The following RGS4 variants were observed in gnomAD, a reference collection of about 807,000 sequenced individuals.
RGS4 encodes schizophrenia disorder 9.
A neutral mutation model predicts 21.6 loss-of-function variants in RGS4; 15 were observed. The ratio of observed to expected loss-of-function variants is 0.69; its 90% CI spans 0.46 to 1.07. RGS4 has a LOEUF of 1.07. RGS4 is among the 50% of genes least tolerant of loss of function. The pLI, the probability that RGS4 is intolerant of heterozygous loss-of-function variation, is 0.00. For synonymous variants in RGS4, 94 were observed against 85.5 expected, an observed-to-expected ratio of 1.10 and a Z score of -0.55; for missense variants, 237 against 239.0, an observed-to-expected ratio of 0.99 and a Z score of 0.06.
chr1:163,072,225 G>A, intron 1 of RGS4, 170 bp from the exon 2 acceptor site: 1 of 759,224 alleles, frequency 1.3e-6, no homozygotes, highest in East Asian at 3.5e-5. Context: ...CAAGTCATAG[G>A]GAACCAAGAG....
Position 163,076,355 on chromosome 1 carries a change from C to T in RGS4, c.*1795C>T, listed in dbSNP as rs1655501272. On this transcript the variant is annotated 3_prime_UTR_variant, in exon 5 of 5. Coordinates refer to ENST00000367909, the MANE Select transcript of RGS4 (RefSeq NM_005613.6). ...AAGATGCAGGTTTTCTAATTGTACC[C>T]TTCTTGTCTCTCTGGCAATCTTGCC... 6.6e-6 allele frequency: 1 copy of T among 152,538 alleles called. No homozygotes were observed. Among genetic ancestry groups the T allele is most frequent in the Non-Finnish European group, 1.5e-5 (1 of 68,020 alleles). 9.4% of individuals were successfully genotyped at this position (152,538 alleles called of 1,614,324 possible). A position where few individuals can be genotyped will look rare whatever the true frequency, so the allele number is the denominator to read the frequency against.
In RGS4 at chr1:163,073,586, C is replaced by A; in HGVS notation, c.342C>A (p.Ile114=). 1 of 1,609,924 alleles carries A rather than the reference C, an allele frequency of 6.2e-7. No homozygotes were observed. Among genetic ancestry groups the A allele is most frequent in the Non-Finnish European group, 8.5e-7 (1 of 1,178,718 alleles). ...AACTAAGTCCCAAGGCCAAAAAGATCTATAATGAATTCATCTCAGTCCAGG... is the reference window on the plus strand; with the variant it reads ...AACTAAGTCCCAAGGCCAAAAAGATATATAATGAATTCATCTCAGTCCAGG... The part of the protein sequence containing the change: ...PSKLSPKAKK[I]YNEFISVQAT... Residue 114 remains isoleucine, a synonymous_variant, in exon 4 of 5, where the codon ATC becomes ATA. Transcript: ENST00000367909.
rs1655226100 is a variant in RGS4 at position 163,069,389 on chromosome 1, T to A, written c.-96T>A. On this transcript the variant is annotated 5_prime_UTR_variant, in exon 1 of 5. Coordinates refer to ENST00000367909, the MANE Select transcript of RGS4 (RefSeq NM_005613.6). ...ACGCTCAGAGGATTCTGACAATATC[T>A]TTACCGGAGAAGAGGCAAAGTACGC... 1 of 1,589,764 alleles carries A rather than the reference T, an allele frequency of 6.3e-7. No individual in the cohort carries two copies. Among genetic ancestry groups the A allele is most frequent in the East Asian group, 2.3e-5 (1 of 43,604 alleles).
chr1:163,069,378 C>T lies in RGS4; in HGVS notation c.-107C>T, dbSNP rs1655225613. On this transcript the variant is annotated 5_prime_UTR_variant, in exon 1 of 5. Coordinates refer to ENST00000367909, the MANE Select transcript of RGS4 (RefSeq NM_005613.6). ...TTAGCAGGAAGACGCTCAGAGGATT[C>T]TGACAATATCTTTACCGGAGAAGAG... is the stretch of plus-strand genomic sequence containing the variant. 6.3e-7 allele frequency: 1 copy of T among 1,578,146 alleles called. No individual in the cohort carries two copies. Among genetic ancestry groups the T allele is most frequent in the Admixed American group, 1.8e-5 (1 of 54,494 alleles).
At position 163,074,690 on chromosome 1, in the gene RGS4, T is replaced by C; in HGVS notation, c.*130T>C. 9 of 1,316,826 alleles carry C rather than the reference T, an allele frequency of 6.8e-6. No homozygotes were observed. Among genetic ancestry groups the C allele is most frequent in the South Asian group, 1.2e-5 (1 of 84,014 alleles). The allele number at this position is 1,316,826 out of a possible 1,614,324, so 81.6% of individuals were successfully genotyped here. On this transcript the variant is annotated 3_prime_UTR_variant, in exon 5 of 5. Transcript: ENST00000367909. ...AGCCTAATATTCATGCTGCCTGCCA[T>C]GTGTGAGTCACTTCTACGCATAAAC...
chr1:163,072,159 A>G, intron 1 of RGS4: 1 of 1,134,952 alleles, frequency 8.8e-7, no homozygotes, highest in Non-Finnish European at 1.1e-6. Flanking sequence ...CTGAAGGGTC[A>G]GAATTCCAGT....
intron 1 of RGS4, chr1:163,070,542 T>C (rs899037180): frequency 6.6e-6 from 1 of 152,190 alleles, no homozygotes; most frequent in South Asian, 2.1e-4. Context: ...GAAGTATCGA[T>C]GGCTTCTTTA....
chr1:163,072,897 C>T (rs769647396), intron 3 of RGS4, 31 bp downstream of exon 3: 1 of 1,582,820 alleles, frequency 6.3e-7, no homozygotes, highest in Non-Finnish European at 8.7e-7. Context: ...GGATGAGGTA[C>T]TCTGGATAAG....
chr1:163,072,529 C>A, intron 2 of RGS4, 30 bp downstream of exon 2: 1 of 1,439,746 alleles, frequency 6.9e-7, no homozygotes, highest in Non-Finnish European at 9.8e-7. Context: ...TGAAGATGTA[C>A]TTAGTATTAA....
intron 3 of RGS4, 105 bp downstream of exon 3, chr1:163,072,971 G>T (rs1655370407): frequency 2.3e-6 from 2 of 870,806 alleles, no homozygotes; most frequent in Non-Finnish European, 3.6e-6. Context: ...CTGATGTTCA[G>T]ACTCAGGAGA....
chr1:163,074,457 G>A lies in RGS4; in HGVS notation c.515G>A (p.Arg172Gln), dbSNP rs749684718. The change falls in exon 5 of 5, where the codon CGA becomes CAA. Residue 172 changes from arginine to glutamine, a missense_variant. Coordinates refer to ENST00000367909, the MANE Select transcript of RGS4 (RefSeq NM_005613.6). The stretch of plus-strand genomic sequence containing the variant: ...TCCTACCGCCGCTTCCTCAAGTCTC[G>A]ATTCTATCTTGATTTGGTCAACCCG... ...KDSYRRFLKSRFYLDLVNPSS... is the reference protein window; with the variant it reads ...KDSYRRFLKSQFYLDLVNPSS... 8.7e-6 allele frequency: 14 copies of A among 1,613,738 alleles called. No homozygotes were observed. Among genetic ancestry groups the A allele is most frequent in the South Asian group, 2.2e-5 (2 of 91,084 alleles).
intron 4 of RGS4, 123 bp from the exon 5 acceptor site, chr1:163,074,198 C>T: frequency 7.8e-7 from 1 of 1,279,316 alleles, no homozygotes; most frequent in East Asian, 2.3e-5. Flanking sequence ...CCCAATGTCA[C>T]TTTTGTTTTT....
At position 163,073,606 on chromosome 1, in the gene RGS4, T is replaced by A; in HGVS notation, c.362T>A (p.Val121Asp). The A allele has an allele frequency of 6.3e-7, 1 of 1,595,578 alleles. No individual in the cohort carries two copies. Among genetic ancestry groups the A allele is most frequent in the Non-Finnish European group, 8.5e-7 (1 of 1,175,272 alleles). The change falls in exon 4 of 5, where the codon GTC becomes GAC. Residue 121 changes from valine to aspartate, a missense_variant. Val to Asp is a radical substitution (Grantham distance 152). Coordinates refer to ENST00000367909, the MANE Select transcript of RGS4 (RefSeq NM_005613.6). ...AAGATCTATAATGAATTCATCTCAG[T>A]CCAGGCAACCAAAGAGGTAGGTTTT... ...AKKIYNEFIS[V>D]QATKEVNLDS...
At chr1:163,069,301 G>A (rs1415029173), upstream of RGS4, 1 of 1,551,268 alleles carries the variant, frequency 6.4e-7, no homozygotes, top group Admixed American at 2.0e-5. Context: ...CAGAGCGGTC[G>A]TCTGATTGGC....
upstream of RGS4, chr1:163,069,343 C>A (rs147943921): frequency 5.2e-6 from 8 of 1,553,248 alleles, no homozygotes; most frequent in Non-Finnish European, 7.0e-6. Context: ...TAAAAGAGAC[C>A]CCTACAGGCT....
chr1:163,070,551 T>G (rs905171108), intron 1 of RGS4: 3 of 152,188 alleles, frequency 2.0e-5, no homozygotes, highest in Non-Finnish European at 2.9e-5. Context: ...ATGGCTTCTT[T>G]AAAATGAAGC....
upstream of RGS4, chr1:163,068,925 A>T: frequency 1.3e-6 from 2 of 1,569,086 alleles, no homozygotes; most frequent in South Asian, 1.1e-5. Context: ...TGAGGATCAG[A>T]TCTTGGACCA....
Position 163,076,071 on chromosome 1 carries a change from C to T in RGS4, c.*1511C>T, listed in dbSNP as rs942884017. The T allele has an allele frequency of 5.2e-5, 8 of 152,522 alleles. No homozygotes were observed. The highest frequency in any genetic ancestry group is 4.2e-4 in the South Asian group (2 of 4,816). 9.4% of individuals were successfully genotyped at this position (152,522 alleles called of 1,614,324 possible). ...ATGTTATTTATGATGTTATTTTGTACGTGTTATTATTATTATATTGTTTTA... is the reference window on the plus strand; with the variant it reads ...ATGTTATTTATGATGTTATTTTGTATGTGTTATTATTATTATATTGTTTTA... On this transcript the variant is annotated 3_prime_UTR_variant, in exon 5 of 5. Transcript: ENST00000367909.
chr1:163,074,657 C>T lies in RGS4; in HGVS notation c.*97C>T, dbSNP rs767080587. ...CTGTATTAAGCTCCAGTGCTTTATC[C>T]ACATTGTAGCCTAATATTCATGCTG... On this transcript the variant is annotated 3_prime_UTR_variant, in exon 5 of 5. Coordinates refer to ENST00000367909, the MANE Select transcript of RGS4 (RefSeq NM_005613.6). The T allele has an allele frequency of 1.3e-6, 2 of 1,530,460 alleles. No individual in the cohort carries two copies. Among genetic ancestry groups the T allele is most frequent in the African/African-American group, 2.7e-5 (2 of 73,334 alleles). 94.8% of individuals were successfully genotyped at this position (1,530,460 alleles called of 1,614,324 possible).
Sources: allele counts gnomAD v4.1 joint callset, GRCh38; gene constraint gnomAD v4.1.1; transcripts MANE v1.5; gene names NCBI Gene and HGNC (gene_info 2026-07-23, HGNC 2026-07-21).